The following LRRC4C variants were observed in gnomAD, a reference collection of about 807,000 sequenced individuals.
The protein encoded by LRRC4C is leucine-rich repeat-containing protein 4C.
LRRC4C carries 5 observed loss-of-function variants against 33.6 expected under a neutral mutation model. The ratio of observed to expected loss-of-function variants is 0.15; its 90% confidence interval spans 0.08 to 0.31. The LOEUF is 0.31. LRRC4C is among the 10% of genes least tolerant of loss of function. LRRC4C has a pLI of 1.00. For missense variants in LRRC4C, 560 were observed against 796.7 expected, an observed-to-expected ratio of 0.70 and a Z score of 3.58; for synonymous variants, 329 against 302.0, an observed-to-expected ratio of 1.09 and a Z score of -0.93.
At chr11:40,813,522 G>C (rs773391335) in intron 2 of LRRC4C, among the ~76,000 whole-genome samples, 1 of 152,078 alleles carries the variant, frequency 6.6e-6, no homozygotes, top group African/African-American at 2.4e-5. Flanking sequence ...TTCAAGATGA[G>C]ATTTGGGTGG....
Position 40,888,947 on chromosome 11 carries a change from C to A in LRRC4C, c.-407+44688G>T, listed in dbSNP as rs576589097. On this transcript the variant is annotated intron_variant, in intron 2 of 6. Coordinates refer to ENST00000528697, the MANE Select transcript of LRRC4C (RefSeq NM_001258419.2). ...ATACATTAAATATCGTTATTTAAGG[C>A]AATGAGCCATTATTAATAAAACTAC... Among the ~76,000 whole-genome samples, 3 of 152,002 alleles carry A rather than the reference C, an allele frequency of 2.0e-5. No homozygotes were observed. The South Asian group carries it at 6.2e-4, about 32-fold the overall frequency.
intron 3 of LRRC4C, among the ~76,000 whole-genome samples, chr11:40,405,106 T>G (rs545672240): frequency 1.3e-5 from 2 of 152,136 alleles, no homozygotes; most frequent in African/African-American, 2.4e-5. Flanking sequence ...CCAACCCTGG[T>G]AACTACTGTT....
At chr11:40,755,651 A>C (rs1276430732) in intron 2 of LRRC4C, among the ~76,000 whole-genome samples, 1 of 152,052 alleles carries the variant, frequency 6.6e-6, no homozygotes, top group Non-Finnish European at 1.5e-5. Flanking sequence ...AGAGGCCAGG[A>C]GTGCTGCTAA....
chr11:40,710,229 G>A (rs548922284), intron 2 of LRRC4C, among the ~76,000 whole-genome samples: 94 of 152,274 alleles, frequency 6.2e-4, no homozygotes, highest in African/African-American at 2.1e-3. Context: ...GCTTTGTTCC[G>A]TTGTTGGCGA....
At chr11:40,521,160 C>G (rs1036560102) in intron 3 of LRRC4C, among the ~76,000 whole-genome samples, 15 of 152,226 alleles carry the variant, frequency 9.9e-5, no homozygotes, top group African/African-American at 3.4e-4. Flanking sequence ...ATGGGGAAAT[C>G]AATGTCCAAA....
At chr11:40,130,134 G>A (rs1385946107) in intron 6 of LRRC4C, among the ~76,000 whole-genome samples, 1 of 152,096 alleles carries the variant, frequency 6.6e-6, no homozygotes, top group Non-Finnish European at 1.5e-5. Context: ...TTATGTTTTT[G>A]ACAGCAATTT....
Position 40,270,820 on chromosome 11 carries a change from G to A in LRRC4C, c.-175-29222C>T, listed in dbSNP as rs144915495. Among the ~76,000 whole-genome samples the A allele has an allele frequency of 2.0e-3, 308 of 152,200 alleles. 1 individual carries two copies. The highest frequency in any genetic ancestry group is 7.2e-3 in the African/African-American group (299 of 41,548). ...CAGCATCTATAGCTGCAACTAATTC[G>A]ATCATTGACTGTTTTTAGGCAGAAT... On this transcript the variant is annotated intron_variant, in intron 4 of 6. Transcript: ENST00000528697.
At chr11:40,586,388 G>T (rs1332637690) in intron 3 of LRRC4C, among the ~76,000 whole-genome samples, 1 of 147,196 alleles carries the variant, frequency 6.8e-6, no homozygotes, top group Non-Finnish European at 1.5e-5. Flanking sequence ...TTTGTCAGAT[G>T]AGTAGGTTGT....
At chr11:40,632,985 A>C (rs2136030256) in intron 3 of LRRC4C, among the ~76,000 whole-genome samples, 1 of 152,332 alleles carries the variant, frequency 6.6e-6, no homozygotes, top group South Asian at 2.1e-4. Flanking sequence ...ATTAAAATGT[A>C]ATCCCTTTAT....
At chr11:41,398,304 G>T (rs1047593617) in intron 1 of LRRC4C, among the ~76,000 whole-genome samples, 1 of 151,836 alleles carries the variant, frequency 6.6e-6, no homozygotes, top group African/African-American at 2.4e-5. Context: ...GCTCTACCTT[G>T]CAGGGTGTGA....
At chr11:41,351,487 CAAAG>C (rs34159483) in intron 1 of LRRC4C, among the ~76,000 whole-genome samples, 62,791 of 151,334 alleles carry the variant, frequency 0.41, 13,726 homozygotes, top group Non-Finnish European at 0.49. Flanking sequence ...TCAGGAAACT[CAAAG>C]AACCCCTGTG....
At chr11:40,220,168 G>A (rs981060459) in intron 5 of LRRC4C, among the ~76,000 whole-genome samples, 1 of 152,082 alleles carries the variant, frequency 6.6e-6, no homozygotes, top group African/African-American at 2.4e-5. Flanking sequence ...ACCTATGAAT[G>A]GTAAACCTTT....
chr11:41,283,573 C>T (rs956892868), intron 1 of LRRC4C, among the ~76,000 whole-genome samples: 1 of 152,136 alleles, frequency 6.6e-6, no homozygotes, highest in Non-Finnish European at 1.5e-5. Flanking sequence ...ATTTCAGTGT[C>T]CATAAATGTT....
chr11:41,307,127 G>A (rs1950526248), intron 1 of LRRC4C, among the ~76,000 whole-genome samples: 1 of 152,118 alleles, frequency 6.6e-6, no homozygotes, highest in East Asian at 1.9e-4. Context: ...GAGGGGATAC[G>A]GCTTGGGGGA....
chr11:40,439,982 A>G (rs1417157384), intron 3 of LRRC4C, among the ~76,000 whole-genome samples: 1 of 152,134 alleles, frequency 6.6e-6, no homozygotes, highest in East Asian at 1.9e-4. Flanking sequence ...AACCACCCCA[A>G]TTTGTTTATG....
chr11:40,849,103 G>A (rs1409099856), intron 2 of LRRC4C, among the ~76,000 whole-genome samples: 1 of 152,178 alleles, frequency 6.6e-6, no homozygotes, highest in Non-Finnish European at 1.5e-5. Flanking sequence ...CAATTTGCCA[G>A]TCTGTGCCTT....
chr11:41,156,412 A>G (rs183157853), intron 1 of LRRC4C, among the ~76,000 whole-genome samples: 233 of 152,290 alleles, frequency 1.5e-3, no homozygotes, highest in Admixed American at 2.9e-3. Flanking sequence ...TGACTGCAGA[A>G]TTAGTATCTT....
chr11:40,497,893 T>TA (rs796335779), intron 3 of LRRC4C, among the ~76,000 whole-genome samples: 33 of 152,236 alleles, frequency 2.2e-4, no homozygotes, highest in African/African-American at 6.5e-4. Context: ...ATACAACCCC[T>TA]AAAAAATCTC....
intron 2 of LRRC4C, among the ~76,000 whole-genome samples, chr11:40,729,189 G>GT (rs1947438982): frequency 2.0e-5 from 3 of 152,200 alleles, no homozygotes; most frequent in Admixed American, 2.0e-4. Flanking sequence ...TGTTCAGTTG[G>GT]TTCCAGAATA....
Sources: gnomAD v4.1 joint callset for allele counts (sites outside exome capture counted in the v4.1 genomes callset) on GRCh38, gnomAD v4.1.1 for gene constraint, MANE v1.5 for transcripts, NCBI Gene and HGNC (gene_info 2026-07-23, HGNC 2026-07-21) for gene names.